EHHADH: variants seen among roughly 807,000 people sequenced by gnomAD.
The protein encoded by EHHADH is peroxisomal bifunctional enzyme.
Under a neutral mutation model 64.4 loss-of-function variants are expected in EHHADH, and 48 were observed. The ratio of observed to expected loss-of-function variants is 0.75; its 90% confidence interval spans 0.59 to 0.95. The LOEUF (loss-of-function observed/expected upper bound fraction) is 0.95, where lower values mean the gene tolerates loss of function less well. Ranked by LOEUF, EHHADH falls within the 40% of genes least tolerant of loss-of-function variation. EHHADH has a pLI of 0.00. For missense variants in EHHADH, 854 were observed against 876.6 expected, an observed-to-expected ratio of 0.97 and a Z score of 0.33; for synonymous variants, 308 against 326.7, an observed-to-expected ratio of 0.94 and a Z score of 0.62.
intron 5 of EHHADH, among the ~76,000 whole-genome samples, chr3:185,205,733 C>G (rs189904798): frequency 5.3e-4 from 81 of 152,214 alleles, no homozygotes; most frequent in Non-Finnish European, 1.1e-3. Flanking sequence ...GTTTGAGGAG[C>G]CAGAAGTTGA....
At chr3:185,223,697 G>A (rs141659688) in intron 4 of EHHADH, among the ~76,000 whole-genome samples, 313 of 152,276 alleles carry the variant, frequency 2.1e-3, no homozygotes, top group African/African-American at 7.4e-3. Flanking sequence ...GTAGTAAGAG[G>A]TATCCCACCA....
At chr3:185,238,277 A>G (rs576567446) in intron 2 of EHHADH, among the ~76,000 whole-genome samples, 1 of 152,312 alleles carries the variant, frequency 6.6e-6, no homozygotes, top group Non-Finnish European at 1.5e-5. Context: ...GATCCCCAGT[A>G]GTTGGATTGC....
At chr3:185,204,842 T>A in intron 5 of EHHADH, 85 bp from the exon 6 acceptor site, 2 of 1,156,192 alleles carry the variant, frequency 1.7e-6, no homozygotes, top group Non-Finnish European at 2.4e-6. Context: ...AATAACCTGT[T>A]CAAATTCAAA....
At chr3:185,237,465 C>T (rs986713010) in intron 2 of EHHADH, among the ~76,000 whole-genome samples, 2 of 152,164 alleles carry the variant, frequency 1.3e-5, no homozygotes, top group Non-Finnish European at 2.9e-5. Context: ...GCTTTCAATT[C>T]GCCATTTTGT....
intron 5 of EHHADH, among the ~76,000 whole-genome samples, chr3:185,209,502 T>A (rs1718482982): frequency 6.6e-6 from 1 of 152,210 alleles, no homozygotes. Context: ...TTATCAAAAA[T>A]GTACATCTTA....
At chr3:185,244,374 T>G (rs1452592489) in intron 2 of EHHADH, among the ~76,000 whole-genome samples, 3 of 152,200 alleles carry the variant, frequency 2.0e-5, no homozygotes, top group Non-Finnish European at 4.4e-5. Context: ...TTTGTTTCCG[T>G]CATAATATTG....
intron 2 of EHHADH, among the ~76,000 whole-genome samples, chr3:185,241,727 T>C (rs1025022612): frequency 7.2e-5 from 11 of 152,158 alleles, no homozygotes; most frequent in African/African-American, 2.7e-4. Context: ...ATGGTGAAGA[T>C]TTTCCCCCAC....
chr3:185,226,103 A>G (rs1226088075), intron 4 of EHHADH, among the ~76,000 whole-genome samples: 3 of 152,170 alleles, frequency 2.0e-5, no homozygotes, highest in Non-Finnish European at 4.4e-5. Context: ...AAGTCTAACC[A>G]CTTGGTATTC....
intron 1 of EHHADH, among the ~76,000 whole-genome samples, chr3:185,250,734 T>C (rs1239092966): frequency 1.3e-5 from 2 of 152,212 alleles, no homozygotes; most frequent in African/African-American, 4.8e-5. Context: ...TAATTACTTT[T>C]CACCTCTTAA....
intron 2 of EHHADH, among the ~76,000 whole-genome samples, chr3:185,239,121 C>A (rs965034275): frequency 1.3e-5 from 2 of 151,992 alleles, no homozygotes; most frequent in Admixed American, 1.3e-4. Context: ...TCTGGGTTCT[C>A]TATTCTGTTC....
rs1167372879 is a variant in EHHADH at position 185,191,976 on chromosome 3, A to C, written c.*250T>G. 4 of 458,708 alleles carry C rather than the reference A, an allele frequency of 8.7e-6. No individual in the cohort carries two copies. The highest frequency in any genetic ancestry group is 1.5e-5 in the Non-Finnish European group (4 of 261,938). The allele number at this position is 458,708 out of a possible 1,614,324, so 28.4% of individuals were successfully genotyped here. On this transcript the variant is annotated 3_prime_UTR_variant, in exon 7 of 7. Coordinates refer to ENST00000231887, the MANE Select transcript of EHHADH (RefSeq NM_001966.4). Reference sequence around the variant, plus strand: ...CTCAACTTATGCCTGAGCCTCTTTCATTAGCTATTATGGTATTATATTCAC... The same window carrying C: ...CTCAACTTATGCCTGAGCCTCTTTCCTTAGCTATTATGGTATTATATTCAC...
At chr3:185,213,171 A>G (rs1229789463) in intron 5 of EHHADH, among the ~76,000 whole-genome samples, 1 of 134,804 alleles carries the variant, frequency 7.4e-6, no homozygotes, top group Non-Finnish European at 1.6e-5. Flanking sequence ...TTTGCGTGTC[A>G]GGTGTAAAAA....
chr3:185,209,072 G>A (rs1264114573), intron 5 of EHHADH, among the ~76,000 whole-genome samples: 2 of 152,160 alleles, frequency 1.3e-5, no homozygotes, highest in Admixed American at 1.3e-4. Context: ...TTTTGTGGGA[G>A]TGGACAAGTC....
chr3:185,248,538 T>C (rs772665317), intron 1 of EHHADH, 21 bp from the exon 2 acceptor site: 3 of 1,540,762 alleles, frequency 1.9e-6, no homozygotes, highest in East Asian at 2.3e-5. Flanking sequence ...ACAAAATACA[T>C]GAAGTAAATC....
At chr3:185,204,271 G>A (rs1718317083) in intron 6 of EHHADH, 145 bp downstream of exon 6, 2 of 690,984 alleles carry the variant, frequency 2.9e-6, no homozygotes, top group African/African-American at 1.8e-5. Flanking sequence ...TTAAAGAAGA[G>A]AGCTCATGGG....
At chr3:185,251,385 A>G (rs1350934258) in intron 1 of EHHADH, among the ~76,000 whole-genome samples, 1 of 152,196 alleles carries the variant, frequency 6.6e-6, no homozygotes, top group Non-Finnish European at 1.5e-5. Context: ...ACGTGTTTGT[A>G]TGTAAGTGTG....
rs1718683426 is a variant in EHHADH at position 185,216,487 on chromosome 3, C to T, written c.568+1649G>A. On this transcript the variant is annotated intron_variant, in intron 5 of 6. Transcript: ENST00000231887. This position sits in a 1 kb window ranked among gnomAD's most constrained non-coding sequence, Gnocchi z 5.3. ...CAAAACAATAAGCCCCCTCGGGAAG[C>T]ACAATGATGAAAACACAGTGAAGGT... 6.6e-6 allele frequency among the ~76,000 whole-genome samples: 1 copy of T among 152,158 alleles called. No individual in the cohort carries two copies. Among genetic ancestry groups the T allele is most frequent in the Non-Finnish European group, 1.5e-5 (1 of 68,026 alleles).
chr3:185,202,155 T>C (rs1577355718), intron 6 of EHHADH, among the ~76,000 whole-genome samples: 1 of 152,178 alleles, frequency 6.6e-6, no homozygotes, highest in African/African-American at 2.4e-5. Flanking sequence ...CTGGACAACA[T>C]AGTGAAACCC....
intron 2 of EHHADH, among the ~76,000 whole-genome samples, chr3:185,238,997 T>C (rs374663734): frequency 1.3e-5 from 2 of 152,226 alleles, no homozygotes; most frequent in Admixed American, 6.5e-5. Context: ...TTCATTCTTC[T>C]GCATATGGCT....
Sources: allele counts gnomAD v4.1 joint callset (sites outside exome capture counted in the v4.1 genomes callset), GRCh38; gene constraint gnomAD v4.1.1; non-coding constraint Gnocchi (gnomAD v3.1); transcripts MANE v1.5; gene names NCBI Gene and HGNC (gene_info 2026-07-23, HGNC 2026-07-21).